The following SHROOM4 variants were observed in gnomAD, a reference collection of about 807,000 sequenced individuals.
The protein encoded by SHROOM4 is shroom family member 4.
Under a neutral mutation model 80.3 loss-of-function variants are expected in SHROOM4, and 17 were observed. The observed-to-expected ratio is 0.21, with a 90% CI of 0.14 to 0.32. SHROOM4 has a LOEUF of 0.32. Ranked by LOEUF, SHROOM4 falls within the 10% of genes least tolerant of loss-of-function variation. The pLI, the probability that SHROOM4 is intolerant of heterozygous loss-of-function variation, is 1.00. For missense variants in SHROOM4, 993 were observed against 1,140.3 expected, an observed-to-expected ratio of 0.87 and a Z score of 1.86; for synonymous variants, 400 against 437.5, an observed-to-expected ratio of 0.91 and a Z score of 1.07.
intron 1 of SHROOM4, among the ~76,000 whole-genome samples, chrX:50,725,487 C>T (rs1330339054): frequency 8.9e-6 from 1 of 112,322 alleles, no homozygotes. Flanking sequence ...CACCCAAATC[C>T]CATCTCAAAT....
At chrX:50,794,355 T>G (rs1452213602) in intron 1 of SHROOM4, among the ~76,000 whole-genome samples, 2 of 111,219 alleles carry the variant, frequency 1.8e-5, no homozygotes, top group Non-Finnish European at 3.8e-5. Context: ...TAGTAAATCA[T>G]GTTGTTGTCT....
intron 4 of SHROOM4, among the ~76,000 whole-genome samples, chrX:50,632,813 C>A (rs1458675202): frequency 8.9e-6 from 1 of 111,997 alleles, no homozygotes; most frequent in Admixed American, 9.5e-5. Flanking sequence ...GGTAGTGAGA[C>A]TCTTCTTAAT....
intron 1 of SHROOM4, among the ~76,000 whole-genome samples, chrX:50,792,155 GACA>G (rs1301190093): frequency 9.0e-6 from 1 of 111,721 alleles, no homozygotes. Flanking sequence ...AAACAAGTGG[GACA>G]ACATCAAACT....
At chrX:50,704,893 C>T (rs782335116) in intron 1 of SHROOM4, among the ~76,000 whole-genome samples, 15 of 111,446 alleles carry the variant, frequency 1.3e-4, no homozygotes, top group Non-Finnish European at 2.6e-4. Context: ...CTCTGGTCTC[C>T]ACTTAGACCT....
intron 2 of SHROOM4, among the ~76,000 whole-genome samples, chrX:50,664,945 A>C (rs782157760): frequency 9.2e-6 from 1 of 108,901 alleles, no homozygotes; most frequent in Non-Finnish European, 1.9e-5. Flanking sequence ...ACACACACAC[A>C]CACACACACT....
intron 2 of SHROOM4, among the ~76,000 whole-genome samples, chrX:50,641,691 C>T (rs1931605927): frequency 9.0e-6 from 1 of 111,015 alleles, no homozygotes; most frequent in Admixed American, 9.5e-5. Context: ...TGGCTGACTG[C>T]AACCTCCGCC....
At chrX:50,651,630 C>T (rs1358977309) in intron 2 of SHROOM4, among the ~76,000 whole-genome samples, 2 of 111,439 alleles carry the variant, frequency 1.8e-5, no homozygotes, top group African/African-American at 6.5e-5. Context: ...ATGTGCAGAA[C>T]GTGCAGGTTT....
At chrX:50,637,887 C>T (rs1193926541) in intron 3 of SHROOM4, among the ~76,000 whole-genome samples, 6 of 111,704 alleles carry the variant, frequency 5.4e-5, no homozygotes, top group Admixed American at 1.9e-4. Flanking sequence ...AAAAGAGATA[C>T]GGAGAAAGAA....
chrX:50,627,732 G>A (rs1404888907), intron 4 of SHROOM4, 57 bp from the exon 5 acceptor site: 2 of 1,024,058 alleles, frequency 2.0e-6, no homozygotes, highest in African/African-American at 3.7e-5. Flanking sequence ...TATCTAGATG[G>A]CCTCAAAAAT....
At chrX:50,784,759 A>G (rs1402250653) in intron 1 of SHROOM4, among the ~76,000 whole-genome samples, 5 of 112,352 alleles carry the variant, frequency 4.5e-5, no homozygotes, top group Non-Finnish European at 9.4e-5. Flanking sequence ...AAAAATCATT[A>G]AACTGGACTT....
rs187102224 is a variant in SHROOM4 at position 50,611,096 on chromosome X, C to A, written c.2958-2912G>T. ...GGAAGTAGTACAGACCATATTTTCT[C>A]ATGACAATACGGTAACACTAGTAGT... On this transcript the variant is annotated intron_variant, in intron 5 of 8. Transcript: ENST00000376020. Among the ~76,000 whole-genome samples the A allele has an allele frequency of 6.4e-3, 682 of 106,086 alleles. 7 individuals carry two copies. The highest frequency in any genetic ancestry group is 0.023 in the African/African-American group (665 of 28,974). The allele number at this position is 106,086 out of a possible 115,157, so 92.1% of individuals were successfully genotyped here. A position where few individuals can be genotyped will look rare whatever the true frequency, so the allele number is the denominator to read the frequency against.
At chrX:50,598,136 T>A (rs1557246980) in intron 8 of SHROOM4, 130 bp downstream of exon 8, 2 of 921,088 alleles carry the variant, frequency 2.2e-6, no homozygotes, top group African/African-American at 3.9e-5. Context: ...ACCGTGCCCA[T>A]CCTCAGTGCT....
chrX:50,671,840 C>T (rs781992628), intron 2 of SHROOM4, among the ~76,000 whole-genome samples: 7 of 112,814 alleles, frequency 6.2e-5, no homozygotes, highest in Non-Finnish European at 1.1e-4. Context: ...CTTGGCTGTT[C>T]GGTGCAAGAG....
At chrX:50,694,189 T>G (rs920983059) in intron 2 of SHROOM4, among the ~76,000 whole-genome samples, 4 of 111,321 alleles carry the variant, frequency 3.6e-5, no homozygotes, top group Admixed American at 2.9e-4. Flanking sequence ...CAGATATCTC[T>G]TTTATATGAT....
At chrX:50,577,840 A>C in the SHROOM4 span, among the ~76,000 whole-genome samples, 1 of 111,156 alleles carries the variant, frequency 9.0e-6, no homozygotes, top group East Asian at 2.8e-4. Context: ...TCCATTGTTC[A>C]TTCACTCCTC....
rs138669136 is a variant in SHROOM4, at chrX:50,698,120, G to A, written c.118-2183C>T. Among the ~76,000 whole-genome samples the A allele has an allele frequency of 6.3e-3, 706 of 112,195 alleles. 6 individuals carry two copies. The highest frequency in any genetic ancestry group is 0.022 in the African/African-American group (675 of 30,949). Reference sequence around the variant, plus strand: ...CAATATGTATTAAGTACCATCTTTCGTTAATTAAACACTCTGTTACAGCAG... The same window carrying A: ...CAATATGTATTAAGTACCATCTTTCATTAATTAAACACTCTGTTACAGCAG... On this transcript the variant is annotated intron_variant, in intron 1 of 8. Coordinates refer to ENST00000376020, the MANE Select transcript of SHROOM4 (RefSeq NM_020717.5).
intron 1 of SHROOM4, among the ~76,000 whole-genome samples, chrX:50,717,121 G>A (rs1210830127): frequency 2.7e-5 from 3 of 112,049 alleles, no homozygotes; most frequent in African/African-American, 9.7e-5. Context: ...ATTCTTGTAG[G>A]GGTAAGGGGG....
At chrX:50,802,149 T>C (rs782699629) in intron 1 of SHROOM4, among the ~76,000 whole-genome samples, 2 of 111,990 alleles carry the variant, frequency 1.8e-5, no homozygotes, top group Non-Finnish European at 1.9e-5. Context: ...TTGGAGGAGA[T>C]AGCAAGACAA....
At chrX:50,627,421 T>A (rs1218938382) in intron 5 of SHROOM4, among the ~76,000 whole-genome samples, 193 bp downstream of exon 5, 3 of 111,194 alleles carry the variant, frequency 2.7e-5, no homozygotes, top group Non-Finnish European at 5.7e-5. Context: ...TAGCAATCAG[T>A]TTGGTCTGTA....
Sources: allele counts gnomAD v4.1 joint callset (sites outside exome capture counted in the v4.1 genomes callset), GRCh38; gene constraint gnomAD v4.1.1; transcripts MANE v1.5; gene names NCBI Gene and HGNC (gene_info 2026-07-23, HGNC 2026-07-21).